Variants in CARMIL1 observed in about 807,000 individuals in gnomAD.
The protein encoded by CARMIL1 is F-actin-uncapping protein LRRC16A.
In CARMIL1, 90 loss-of-function variants were observed where a neutral mutation model predicts 177.1. The ratio of observed to expected loss-of-function variants is 0.51; its 90% CI spans 0.43 to 0.61. The LOEUF (loss-of-function observed/expected upper bound fraction) is 0.61. Ranked by LOEUF, CARMIL1 falls within the 20% of genes least tolerant of loss-of-function variation. The pLI is 0.00. For synonymous variants in CARMIL1, 577 were observed against 606.2 expected (o/e 0.95, Z 0.71); for missense variants, 1,380 against 1,667.0 (o/e 0.83, Z 3.00).
At chr6:25,424,688 A>T (rs573850222) in intron 3 of CARMIL1, among the ~76,000 whole-genome samples, 1 of 152,348 alleles carries the variant, frequency 6.6e-6, no homozygotes, top group African/African-American at 2.4e-5. Flanking sequence ...TGTCTGTGAC[A>T]TTGAATATTG....
At position 25,497,007 on chromosome 6, in the gene CARMIL1, A is replaced by T. The variant is rs575287758; in HGVS notation, c.1325+1792A>T. 3.3e-5 allele frequency among the ~76,000 whole-genome samples: 5 copies of T among 152,318 alleles called. No individual in the cohort carries two copies. In the South Asian group the frequency reaches 6.2e-4, roughly 19 times the overall value. ...ATATTTTGTAATTGTTAAATCTTGG[A>T]CCTGATGTTATTGGTGTGAATGTTT... On this transcript the variant is annotated intron_variant, in intron 16 of 36. Coordinates refer to ENST00000329474, the MANE Select transcript of CARMIL1 (RefSeq NM_017640.6).
intron 20 of CARMIL1, among the ~76,000 whole-genome samples, chr6:25,511,882 A>G (rs1445363280): frequency 1.3e-5 from 2 of 152,156 alleles, no homozygotes; most frequent in Non-Finnish European, 2.9e-5. Flanking sequence ...ATTATTGTTT[A>G]ATGAATTCAG....
intron 5 of CARMIL1, among the ~76,000 whole-genome samples, chr6:25,441,320 C>CATATATATATATATAT (rs199573016): frequency 4.6e-4 from 46 of 99,644 alleles, no homozygotes; most frequent in African/African-American, 8.0e-4. Flanking sequence ...AACAAACAAA[C>CATATATATATATATAT]ATATATATAT....
chr6:25,376,041 G>C (rs1790938508), intron 2 of CARMIL1, among the ~76,000 whole-genome samples: 4 of 152,010 alleles, frequency 2.6e-5, no homozygotes, highest in South Asian at 2.1e-4. Flanking sequence ...GTGATCTTTT[G>C]GGGTTGTTAT....
In CARMIL1 at chr6:25,606,149, A is replaced by C; in HGVS notation, c.3723A>C (p.Ala1241=). 6.2e-7 allele frequency: 1 copy of C among 1,613,974 alleles called. No homozygotes were observed. The highest frequency in any genetic ancestry group is 1.1e-5 in the South Asian group (1 of 91,058). The change falls in exon 35 of 37, where the codon GCA becomes GCC. Residue 1241 remains alanine, a synonymous_variant. Transcript: ENST00000329474. ...KNTKAEPKAE[A]GSRSRSSSST... is the part of the protein sequence containing the mutation. ...CCAAAGCAGAACCCAAAGCGGAAGC[A>C]GGCTCCAGGTCTCGGAGCTCATCCA...
In CARMIL1 at chr6:25,281,157, C is replaced by T. The variant is rs1160074417; in HGVS notation, c.40+1322C>T. Among the ~76,000 whole-genome samples the T allele has an allele frequency of 2.0e-5, 3 of 151,574 alleles. No homozygotes were observed. In the East Asian group the frequency reaches 5.9e-4, roughly 30 times the overall value. ...GCGCGCACACACACACACACACACA[C>T]ACACACACACACGCACCTCTCATCA... On this transcript the variant is annotated intron_variant, in intron 1 of 36. Transcript: ENST00000329474.
At chr6:25,510,446 C>A in intron 18 of CARMIL1, 61 bp from the exon 19 acceptor site, 1 of 1,002,042 alleles carries the variant, frequency 1.0e-6, no homozygotes, top group East Asian at 2.6e-5. Context: ...AATTGTGTTC[C>A]AGCTGAAAAT....
intron 2 of CARMIL1, among the ~76,000 whole-genome samples, chr6:25,354,908 G>A (rs192040306): frequency 5.9e-5 from 9 of 152,280 alleles, no homozygotes; most frequent in African/African-American, 1.7e-4. Context: ...TAGACCCAGT[G>A]TGATGCTGAC....
intron 33 of CARMIL1, among the ~76,000 whole-genome samples, chr6:25,602,427 C>T (rs1815510011): frequency 6.6e-6 from 1 of 152,164 alleles, no homozygotes; most frequent in Non-Finnish European, 1.5e-5. Context: ...TCATGATTAA[C>T]AGTTTCTTTT....
intron 2 of CARMIL1, among the ~76,000 whole-genome samples, chr6:25,288,931 A>G (rs1038301007): frequency 6.6e-6 from 1 of 152,228 alleles, no homozygotes; most frequent in Admixed American, 6.5e-5. Flanking sequence ...TCTTTACTGC[A>G]TGAGTTTTCA....
At position 25,328,601 on chromosome 6, in the gene CARMIL1, C is replaced by T. The variant is rs953303160; in HGVS notation, c.138+43692C>T. Reference sequence around the variant, plus strand: ...TCTCTGAGTTCAGATGTCACATCTTCGTTACCTTCTCTCAAGTTTTGCTAT... The same window carrying T: ...TCTCTGAGTTCAGATGTCACATCTTTGTTACCTTCTCTCAAGTTTTGCTAT... On this transcript the variant is annotated intron_variant, in intron 2 of 36. Transcript: ENST00000329474. 1.1e-4 allele frequency among the ~76,000 whole-genome samples: 16 copies of T among 152,194 alleles called. No homozygotes were observed. In the South Asian group the frequency reaches 1.5e-3, roughly 14 times the overall value.
chr6:25,528,763 A>G lies in CARMIL1; in HGVS notation c.1969-32A>G, dbSNP rs754876423. 2.1e-6 allele frequency: 3 copies of G among 1,457,494 alleles called. No homozygotes were observed. The South Asian group carries it at 3.6e-5, about 18-fold the overall frequency. 90.3% of individuals were successfully genotyped at this position (1,457,494 alleles called of 1,614,324 possible). A position where few individuals can be genotyped will look rare whatever the true frequency, so the allele number is the denominator to read the frequency against. On this transcript the variant is annotated intron_variant, in intron 23 of 36. Coordinates refer to ENST00000329474, the MANE Select transcript of CARMIL1 (RefSeq NM_017640.6). Reference sequence around the variant, plus strand: ...TTTATTCTCCGCTGGGTTGAAATGTATTCTTGAGGGATGCCTGTGCTTTAT... The same window carrying G: ...TTTATTCTCCGCTGGGTTGAAATGTGTTCTTGAGGGATGCCTGTGCTTTAT...
chr6:25,303,535 C>T (rs1268513899), intron 2 of CARMIL1, among the ~76,000 whole-genome samples: 1 of 152,182 alleles, frequency 6.6e-6, no homozygotes, highest in African/African-American at 2.4e-5. Flanking sequence ...TTCTTAGAAC[C>T]TTTGGTATTC....
At chr6:25,308,377 A>ATT (rs35167760) in intron 2 of CARMIL1, among the ~76,000 whole-genome samples, 241 of 118,788 alleles carry the variant, frequency 2.0e-3, no homozygotes, top group Non-Finnish European at 2.6e-3. Context: ...TTGTACAACC[A>ATT]TTTTTTTTTT....
chr6:25,579,564 C>T (rs1023460211), intron 29 of CARMIL1, among the ~76,000 whole-genome samples: 1 of 152,204 alleles, frequency 6.6e-6, no homozygotes, highest in Admixed American at 6.5e-5. Flanking sequence ...CTGCCTTAAA[C>T]TGGATTCCTT....
chr6:25,365,596 A>T (rs1390799001), intron 2 of CARMIL1, among the ~76,000 whole-genome samples: 1 of 152,176 alleles, frequency 6.6e-6, no homozygotes, highest in African/African-American at 2.4e-5. Context: ...TCTGTCACCC[A>T]GACTGGAGTG....
intron 13 of CARMIL1, among the ~76,000 whole-genome samples, chr6:25,491,094 A>G (rs570278260): frequency 4.6e-5 from 7 of 152,300 alleles, no homozygotes; most frequent in Admixed American, 2.0e-4. Flanking sequence ...AGTTGAACTG[A>G]TCTGTTGATC....
At chr6:25,476,048 A>G (rs540262683) in intron 11 of CARMIL1, among the ~76,000 whole-genome samples, 2 of 152,338 alleles carry the variant, frequency 1.3e-5, no homozygotes, top group Admixed American at 6.5e-5. Context: ...TTCGTCCACA[A>G]TCAACAAATA....
At chr6:25,441,337 A>ATATATATATATATT in intron 5 of CARMIL1, among the ~76,000 whole-genome samples, 1 of 94,536 alleles carries the variant, frequency 1.1e-5, no homozygotes. Context: ...ATATATATAT[A>ATATATATATATATT]TGTGTGTGTG....
Sources: allele counts gnomAD v4.1 joint callset (sites outside exome capture counted in the v4.1 genomes callset), GRCh38; gene constraint gnomAD v4.1.1; transcripts MANE v1.5; gene names NCBI Gene and HGNC (gene_info 2026-07-23, HGNC 2026-07-21).